The following RGS12 variants were observed in gnomAD, a reference collection of about 807,000 sequenced individuals.
RGS12 encodes the protein regulator of G-protein signaling 12.
In RGS12, 66 loss-of-function variants were observed where a neutral mutation model predicts 120.1. The ratio of observed to expected loss-of-function variants is 0.55; its 90% CI spans 0.45 to 0.67. The LOEUF is 0.67. Among genes scored for constraint, RGS12 ranks in the 30% least tolerant of loss-of-function variants. The pLI, the probability that RGS12 is intolerant of heterozygous loss-of-function variation, is 0.00. For missense variants in RGS12, 1,859 were observed against 1,957.7 expected, an observed-to-expected ratio of 0.95 and a Z score of 0.95; for synonymous variants, 827 against 804.7, an observed-to-expected ratio of 1.03 and a Z score of -0.47.
At chr4:3,367,689 C>A (rs1005781191) in intron 3 of RGS12, among the ~76,000 whole-genome samples, 8 of 152,188 alleles carry the variant, frequency 5.3e-5, no homozygotes, top group African/African-American at 1.7e-4. Flanking sequence ...TTCTCCCAGG[C>A]GTGTTCTGGC....
intron 1 of RGS12, among the ~76,000 whole-genome samples, chr4:3,296,830 C>T (rs1723408685): frequency 6.6e-6 from 1 of 152,198 alleles, no homozygotes; most frequent in Non-Finnish European, 1.5e-5. Flanking sequence ...GGAAGACAAG[C>T]CTTGCTCAGG....
At chr4:3,345,826 A>T (rs986432417) in intron 3 of RGS12, among the ~76,000 whole-genome samples, 1 of 152,270 alleles carries the variant, frequency 6.6e-6, no homozygotes, top group Non-Finnish European at 1.5e-5. Flanking sequence ...TCATGAACAT[A>T]GGCTTAAAGA....
At chr4:3,298,303 G>A (rs1425981965) in intron 1 of RGS12, among the ~76,000 whole-genome samples, 4 of 152,256 alleles carry the variant, frequency 2.6e-5, no homozygotes, top group Non-Finnish European at 4.4e-5. Flanking sequence ...CTCCTAGGTT[G>A]ATCCTCTAAT....
At chr4:3,394,089 C>A (rs1450673233) in intron 4 of RGS12, among the ~76,000 whole-genome samples, 2 of 152,224 alleles carry the variant, frequency 1.3e-5, no homozygotes, top group Non-Finnish European at 2.9e-5. Context: ...CTGCGACTGA[C>A]CCTTCCTGCC....
intron 2 of RGS12, chr4:3,342,313 G>C: frequency 1.2e-6 from 1 of 853,530 alleles, no homozygotes; most frequent in Non-Finnish European, 1.5e-6. Flanking sequence ...TTCTCATCTG[G>C]GGAAGTGTCT....
chr4:3,353,202 G>A lies in RGS12; in HGVS notation c.1998+10149G>A, dbSNP rs183741430. 5.8e-4 allele frequency among the ~76,000 whole-genome samples: 89 copies of A among 152,310 alleles called. 1 individual carries two copies. Among genetic ancestry groups the A allele is most frequent in the Admixed American group, 5.3e-3 (81 of 15,310 alleles). ...CTCTGGGACTACTTTGCTGGAGGGTGGGAGGGTTAACGAGGCCTGGGGCAG... is the reference window on the plus strand; with the variant it reads ...CTCTGGGACTACTTTGCTGGAGGGTAGGAGGGTTAACGAGGCCTGGGGCAG... On this transcript the variant is annotated intron_variant, in intron 3 of 17. Coordinates refer to ENST00000336727, the MANE Select transcript of RGS12 (RefSeq NM_001394154.1).
At chr4:3,367,783 G>A (rs928025570) in intron 3 of RGS12, among the ~76,000 whole-genome samples, 55 of 152,304 alleles carry the variant, frequency 3.6e-4, no homozygotes, top group East Asian at 2.7e-3. Context: ...AAAAGGACAG[G>A]CTCCCACAAA....
chr4:3,414,412 T>G (rs1577071734), intron 5 of RGS12, 171 bp downstream of exon 5: 1 of 750,364 alleles, frequency 1.3e-6, no homozygotes, highest in Non-Finnish European at 2.1e-6. Flanking sequence ...CAGAGGAGGG[T>G]GGGTTGAATC....
chr4:3,439,453 AG>A lies in RGS12; in HGVS notation c.4115del. 6.2e-7 allele frequency: 1 copy of A among 1,612,744 alleles called. No individual in the cohort carries two copies. The highest frequency in any genetic ancestry group is 8.5e-7 in the Non-Finnish European group (1 of 1,179,872). On this transcript the variant is annotated splice_acceptor_variant, in intron 17 of 17. Transcript: ENST00000336727. LOFTEE classifies it high-confidence loss of function. The stretch of plus-strand genomic sequence containing the variant: ...TGACAGCTTCTCTTCTCCTTGTGAC[AG>A]GAAGTGGGACCCATGGCAGCCGAGA...
chr4:3,342,874 T>C lies in RGS12; in HGVS notation c.1882-63T>C, dbSNP rs1713385265. ...CCTTGATTTTCTGCTATGCCATGCA[T>C]TGGACAAGACTAAACATCTCTTTGC... On this transcript the variant is annotated intron_variant, in intron 2 of 17. Coordinates refer to ENST00000336727, the MANE Select transcript of RGS12 (RefSeq NM_001394154.1). 3.6e-6 allele frequency: 4 copies of C among 1,104,260 alleles called. No homozygotes were observed. The Admixed American group carries it at 5.3e-5, about 15-fold the overall frequency. 68.4% of individuals were successfully genotyped at this position (1,104,260 alleles called of 1,614,324 possible). A position where few individuals can be genotyped will look rare whatever the true frequency, so the allele number is the denominator to read the frequency against.
chr4:3,348,377 C>T lies in RGS12; in HGVS notation c.1998+5324C>T, dbSNP rs532026102. On this transcript the variant is annotated intron_variant, in intron 3 of 17. Coordinates refer to ENST00000336727, the MANE Select transcript of RGS12 (RefSeq NM_001394154.1). ...TTGATAAAACATAAAATCTTTGTTTCGTAGGCCAGTTACCAAAAAGGTAAA... is the reference window on the plus strand; with the variant it reads ...TTGATAAAACATAAAATCTTTGTTTTGTAGGCCAGTTACCAAAAAGGTAAA... Among the ~76,000 whole-genome samples, 33 of 152,250 alleles carry T rather than the reference C, an allele frequency of 2.2e-4. 1 individual carries two copies. The highest frequency in any genetic ancestry group is 6.0e-4 in the African/African-American group (25 of 41,532).
At chr4:3,297,840 C>T (rs1723467320) in intron 1 of RGS12, among the ~76,000 whole-genome samples, 1 of 152,158 alleles carries the variant, frequency 6.6e-6, no homozygotes. Context: ...GCTCTTCTCT[C>T]TCTGCTTGGC....
intron 3 of RGS12, chr4:3,370,378 C>T: frequency 6.5e-7 from 1 of 1,533,026 alleles, no homozygotes; most frequent in Non-Finnish European, 9.0e-7. Flanking sequence ...GCGTGGCACC[C>T]TGGCTATCCT....
intron 1 of RGS12, among the ~76,000 whole-genome samples, chr4:3,315,385 A>G (rs1724671851): frequency 1.3e-5 from 2 of 152,208 alleles, no homozygotes; most frequent in African/African-American, 4.8e-5. Flanking sequence ...TTGAGTTAAT[A>G]TGACATTTCT....
chr4:3,395,425 A>G (rs1471877501), intron 4 of RGS12, among the ~76,000 whole-genome samples: 1 of 152,220 alleles, frequency 6.6e-6, no homozygotes, highest in Non-Finnish European at 1.5e-5. Flanking sequence ...ATGGTGCCAT[A>G]TAACATGCTT....
At chr4:3,401,540 G>A (rs1229753483) in intron 4 of RGS12, among the ~76,000 whole-genome samples, 1 of 152,236 alleles carries the variant, frequency 6.6e-6, no homozygotes, top group East Asian at 1.9e-4. Context: ...TTGGTGAGGA[G>A]GGGAGTTCTC....
intron 17 of RGS12, 61 bp downstream of exon 17, chr4:3,431,016 G>T: frequency 6.3e-7 from 1 of 1,578,406 alleles, no homozygotes; most frequent in Non-Finnish European, 8.6e-7. Context: ...TCAGCTTCCA[G>T]TCAGAAAGGA....
In RGS12 at chr4:3,309,869, T is replaced by C. The variant is rs6831778; in HGVS notation, c.-101-6201T>C. On this transcript the variant is annotated intron_variant, in intron 1 of 17. Coordinates refer to ENST00000336727, the MANE Select transcript of RGS12 (RefSeq NM_001394154.1). Reference sequence around the variant, plus strand: ...GAACTGGGTGGGAGAGGAGCTGGGATCCGGGAATGGCAGGTGTCCGCTGAG... The same window carrying C: ...GAACTGGGTGGGAGAGGAGCTGGGACCCGGGAATGGCAGGTGTCCGCTGAG... Among the ~76,000 whole-genome samples, 197 of 32,964 alleles carry C rather than the reference T, an allele frequency of 6.0e-3. 1 individual carries two copies. Among genetic ancestry groups the C allele is most frequent in the African/African-American group, 9.1e-3 (70 of 7,698 alleles). The allele number at this position is 32,964 out of a possible 152,430, so 21.6% of individuals were successfully genotyped here.
At chr4:3,380,223 C>T (rs1162481621) in intron 3 of RGS12, among the ~76,000 whole-genome samples, 1 of 152,240 alleles carries the variant, frequency 6.6e-6, no homozygotes. Context: ...CTCCCATGTC[C>T]CACATCCAGG....
Sources: allele counts gnomAD v4.1 joint callset (sites outside exome capture counted in the v4.1 genomes callset), GRCh38; gene constraint gnomAD v4.1.1; transcripts MANE v1.5; gene names NCBI Gene and HGNC (gene_info 2026-07-23, HGNC 2026-07-21).